The following SPMIP4 variants were observed in gnomAD, a reference collection of about 807,000 sequenced individuals.
SPMIP4 encodes the protein sperm-associated microtubule inner protein 4.
chr7:25,150,133 C>T, the SPMIP4 span, among the ~76,000 whole-genome samples: 1 of 152,144 alleles, frequency 6.6e-6, no homozygotes, highest in South Asian at 2.1e-4. Context: ...GGGGTCTCTG[C>T]ACCTCAGTTA....
the SPMIP4 span, among the ~76,000 whole-genome samples, chr7:25,170,571 G>C: frequency 6.6e-6 from 1 of 152,132 alleles, no homozygotes; most frequent in Non-Finnish European, 1.5e-5. Flanking sequence ...TTTATTGCTT[G>C]TGCTTTTGGA....
chr7:25,161,594 G>C, the SPMIP4 span, among the ~76,000 whole-genome samples: 2 of 146,434 alleles, frequency 1.4e-5, no homozygotes, highest in African/African-American at 5.0e-5. Context: ...TAAAATGTTA[G>C]AACTTTTTAT....
the SPMIP4 span, among the ~76,000 whole-genome samples, chr7:25,148,290 T>G: frequency 6.6e-6 from 1 of 152,138 alleles, no homozygotes; most frequent in Non-Finnish European, 1.5e-5. Flanking sequence ...AATATCCTCC[T>G]GAGCCTGGTG....
the SPMIP4 span, among the ~76,000 whole-genome samples, chr7:25,169,532 C>T: frequency 6.6e-6 from 1 of 152,136 alleles, no homozygotes. Context: ...CAAGGTTCAT[C>T]CATTTTGTAG....
chr7:25,144,320 T>C, the SPMIP4 span, among the ~76,000 whole-genome samples: 1 of 152,234 alleles, frequency 6.6e-6, no homozygotes, highest in Non-Finnish European at 1.5e-5. Flanking sequence ...CAGGTTTAAA[T>C]TTGGACTTCT....
the SPMIP4 span, among the ~76,000 whole-genome samples, chr7:25,167,344 GTT>G: frequency 3.0e-4 from 46 of 152,224 alleles, no homozygotes; most frequent in African/African-American, 1.1e-3. Context: ...TCTTGGGTCT[GTT>G]TATTCATTGT....
the SPMIP4 span, among the ~76,000 whole-genome samples, chr7:25,156,328 C>T: frequency 1.3e-5 from 2 of 152,222 alleles, no homozygotes; most frequent in African/African-American, 4.8e-5. Flanking sequence ...CTCAGACTTC[C>T]GGCCTCCCAC....
the SPMIP4 span, among the ~76,000 whole-genome samples, chr7:25,140,549 G>A: frequency 4.6e-5 from 7 of 152,016 alleles, no homozygotes; most frequent in African/African-American, 1.2e-4. Flanking sequence ...TGGTCCACCC[G>A]CCTCAGTCTC....
the SPMIP4 span, among the ~76,000 whole-genome samples, chr7:25,169,898 C>T: frequency 2.6e-5 from 4 of 152,084 alleles, no homozygotes; most frequent in South Asian, 2.1e-4. Context: ...TTAATGGCTA[C>T]GTAATATTCC....
At chr7:25,153,609 G>A in the SPMIP4 span, among the ~76,000 whole-genome samples, 6 of 151,818 alleles carry the variant, frequency 4.0e-5, no homozygotes, top group South Asian at 6.2e-4. Context: ...ATATTTCTGT[G>A]ATTTCTTGCT....
chr7:25,160,368 G>A, the SPMIP4 span, among the ~76,000 whole-genome samples: 5 of 152,030 alleles, frequency 3.3e-5, no homozygotes, highest in Admixed American at 2.0e-4. Context: ...GCGTGATCTC[G>A]GCTCACTGCA....
the SPMIP4 span, chr7:25,142,927 GTTTT>G: frequency 5.5e-5 from 35 of 632,162 alleles, no homozygotes; most frequent in Non-Finnish European, 7.7e-5. Context: ...CGTCAGAATG[GTTTT>G]TTTTTTGTCA....
chr7:25,142,223 T>C, the SPMIP4 span: 1 of 1,581,346 alleles, frequency 6.3e-7, no homozygotes, highest in Non-Finnish European at 8.7e-7. Context: ...TAACTGAGAG[T>C]TGACTGCAAT....
the SPMIP4 span, chr7:25,158,571 G>A: frequency 6.5e-7 from 1 of 1,537,920 alleles, no homozygotes; most frequent in Non-Finnish European, 9.0e-7. Context: ...TTATATTGAG[G>A]GCTTTTAAAG....
chr7:25,136,078 C>T, the SPMIP4 span: 44 of 1,613,968 alleles, frequency 2.7e-5, no homozygotes, highest in East Asian at 2.5e-4. This position sits in a 1 kb window ranked among gnomAD's most constrained non-coding sequence, Gnocchi z 5.7. Flanking sequence ...TTTATGGAAA[C>T]GCTTTTGTGC....
At chr7:25,176,585 T>C in the SPMIP4 span, among the ~76,000 whole-genome samples, 2 of 152,324 alleles carry the variant, frequency 1.3e-5, no homozygotes, top group East Asian at 1.9e-4. The surrounding 1 kb of genome is among the most constrained non-coding windows in gnomAD (Gnocchi z 4.4). Context: ...AAAATAGCAA[T>C]TGATTTAAAA....
the SPMIP4 span, among the ~76,000 whole-genome samples, chr7:25,131,003 A>G: frequency 1.3e-5 from 2 of 152,258 alleles, no homozygotes; most frequent in East Asian, 3.8e-4. The surrounding 1 kb of genome is among the most constrained non-coding windows in gnomAD (Gnocchi z 4.2). Context: ...ACAGGGCCAC[A>G]TAGAAGGAGG....
At chr7:25,171,472 A>C in the SPMIP4 span, among the ~76,000 whole-genome samples, 1 of 152,196 alleles carries the variant, frequency 6.6e-6, no homozygotes, top group African/African-American at 2.4e-5. Flanking sequence ...CATCTGGCAA[A>C]AGTTCTGCTT....
chr7:25,136,745 G>A, the SPMIP4 span: 4 of 1,613,950 alleles, frequency 2.5e-6, no homozygotes, highest in East Asian at 2.2e-5. This position sits in a 1 kb window ranked among gnomAD's most constrained non-coding sequence, Gnocchi z 5.7. Flanking sequence ...CGGGCAATTC[G>A]TCCTTCCAAC....
Sources: allele counts gnomAD v4.1 joint callset (sites outside exome capture counted in the v4.1 genomes callset), GRCh38; gene constraint gnomAD v4.1.1; non-coding constraint Gnocchi (gnomAD v3.1); transcripts MANE v1.5; gene names NCBI Gene and HGNC (gene_info 2026-07-23, HGNC 2026-07-21).